The following PCDHGB4 variants were observed in gnomAD, a reference collection of about 807,000 sequenced individuals.
PCDHGB4 encodes protocadherin gamma-B4.
In PCDHGB4, 38 loss-of-function variants were observed where a neutral mutation model predicts 60.5. The observed-to-expected ratio is 0.63, with a 90% CI of 0.48 to 0.82. The LOEUF (loss-of-function observed/expected upper bound fraction) is 0.82. Ranked by LOEUF, PCDHGB4 falls within the 40% of genes least tolerant of loss-of-function variation. The pLI, the probability that PCDHGB4 is intolerant of heterozygous loss-of-function variation, is 0.00. For synonymous variants in PCDHGB4, 456 were observed against 509.7 expected (o/e 0.89, Z 1.42); for missense variants, 1,109 against 1,209.6 (o/e 0.92, Z 1.23).
intron 1 of PCDHGB4, chr5:141,420,034 C>T (rs373590502): frequency 7.8e-5 from 126 of 1,613,970 alleles, no homozygotes; most frequent in Non-Finnish European, 9.3e-5. Context: ...CTGCAGGAGA[C>T]TGCTTTGAGT....
chr5:141,485,888 G>T lies in PCDHGB4; in HGVS notation c.2398-8919G>T, dbSNP rs1166795987. 3 of 1,614,028 alleles carry T rather than the reference G, an allele frequency of 1.9e-6. No homozygotes were observed. The highest frequency in any genetic ancestry group is 2.5e-6 in the Non-Finnish European group (3 of 1,180,032). ...ATCCGTGCTGGACGTAAACGACAAC[G>T]CCCCAGCCTTCCAGCAATCCAGCTA... On this transcript the variant is annotated intron_variant, in intron 1 of 3. Coordinates refer to ENST00000519479, the MANE Select transcript of PCDHGB4 (RefSeq NM_003736.4). The surrounding 1 kb of genome is among the most constrained non-coding windows in gnomAD (Gnocchi z 5.7).
intron 1 of PCDHGB4, among the ~76,000 whole-genome samples, chr5:141,473,466 G>A (rs1217251844): frequency 1.3e-5 from 2 of 151,738 alleles, no homozygotes; most frequent in East Asian, 1.9e-4. Flanking sequence ...TTAAAGTTGT[G>A]CCAAGTTCAA....
At chr5:141,421,662 G>A (rs2096591243) in intron 1 of PCDHGB4, 3 of 1,613,844 alleles carry the variant, frequency 1.9e-6, no homozygotes, top group South Asian at 1.1e-5. Context: ...AAGTCAGTGA[G>A]CACGCAATTC....
intron 1 of PCDHGB4, among the ~76,000 whole-genome samples, chr5:141,481,293 TC>T (rs2099535148): frequency 6.6e-6 from 1 of 152,174 alleles, no homozygotes; most frequent in South Asian, 2.1e-4. Context: ...ATTTCAGTCA[TC>T]TAAGGGAAAA....
chr5:141,463,373 GTCTGAAAGTT>G (rs1463437299), intron 1 of PCDHGB4, among the ~76,000 whole-genome samples: 1 of 147,058 alleles, frequency 6.8e-6, no homozygotes, highest in Non-Finnish European at 1.5e-5. Context: ...CTGCCCCACA[GTCTGAAAGTT>G]GTCTCCAGGC....
intron 1 of PCDHGB4, among the ~76,000 whole-genome samples, chr5:141,469,490 G>A (rs1346871954): frequency 3.3e-5 from 5 of 152,146 alleles, no homozygotes; most frequent in East Asian, 3.9e-4. Context: ...CAGGAGAATC[G>A]CTTGAACCCG....
At chr5:141,503,745 G>A (rs1377110427) in intron 2 of PCDHGB4, among the ~76,000 whole-genome samples, 3 of 152,220 alleles carry the variant, frequency 2.0e-5, no homozygotes, top group South Asian at 2.1e-4. Flanking sequence ...ATGGTATAGA[G>A]GTCACACATG....
Position 141,477,283 on chromosome 5 carries a change from C to T in PCDHGB4, c.2398-17524C>T, listed in dbSNP as rs766672047. The T allele has an allele frequency of 9.3e-6, 15 of 1,614,076 alleles. No homozygotes were observed. The highest frequency in any genetic ancestry group is 2.7e-5 in the African/African-American group (2 of 74,924). On this transcript the variant is annotated intron_variant, in intron 1 of 3. Coordinates refer to ENST00000519479, the MANE Select transcript of PCDHGB4 (RefSeq NM_003736.4). The surrounding 1 kb of genome is among the most constrained non-coding windows in gnomAD (Gnocchi z 4.9). ...CTGGCGAGAACGGGCTGGTGACCTG[C>T]GAAGTTCCACCGGGTCTCCCTTTCA... is the stretch of plus-strand genomic sequence containing the variant.
chr5:141,409,462 C>G (rs377705841), intron 1 of PCDHGB4: 1 of 1,613,988 alleles, frequency 6.2e-7, no homozygotes, highest in African/African-American at 1.3e-5. Flanking sequence ...AATACAATGT[C>G]ACCATCGTAG....
intron 1 of PCDHGB4, among the ~76,000 whole-genome samples, chr5:141,461,768 C>T (rs532591390): frequency 1.3e-5 from 2 of 152,016 alleles, no homozygotes; most frequent in African/African-American, 4.8e-5. Context: ...ATTCTCCTGC[C>T]TCAGCCTCCC....
At chr5:141,468,077 C>T (rs180732917) in intron 1 of PCDHGB4, among the ~76,000 whole-genome samples, 1 of 152,152 alleles carries the variant, frequency 6.6e-6, no homozygotes, top group East Asian at 1.9e-4. Flanking sequence ...GTAATCCCAG[C>T]ACTTTGGGAG....
chr5:141,414,498 C>CT (rs748856262), intron 1 of PCDHGB4: 40 of 1,613,848 alleles, frequency 2.5e-5, no homozygotes, highest in Non-Finnish European at 3.3e-5. Context: ...CGGAAGCTCA[C>CT]TTTATGCTAC....
At chr5:141,394,507 C>T in intron 1 of PCDHGB4, 1 of 1,614,214 alleles carries the variant, frequency 6.2e-7, no homozygotes, top group South Asian at 1.1e-5. Flanking sequence ...ATCCTGTACC[C>T]CGCCCTCCCC....
At chr5:141,415,614 G>A (rs1476229913) in intron 1 of PCDHGB4, 1 of 1,612,128 alleles carries the variant, frequency 6.2e-7, no homozygotes, top group Admixed American at 1.7e-5. Flanking sequence ...TGGTTCCAGT[G>A]AGTTTTATTT....
chr5:141,419,276 C>G (rs1361651445), intron 1 of PCDHGB4: 1 of 1,613,920 alleles, frequency 6.2e-7, no homozygotes, highest in African/African-American at 1.3e-5. Flanking sequence ...CTCCATAGCG[C>G]AAGTCAGTGC....
At position 141,491,187 on chromosome 5, in the gene PCDHGB4, G is replaced by A. The variant is rs2099709293; in HGVS notation, c.2398-3620G>A. ...CCCAGCAGGTGGTGGTCCTGGTGAG[G>A]GACAATGGTGACCCTTCACTCTCCT... On this transcript the variant is annotated intron_variant, in intron 1 of 3. Coordinates refer to ENST00000519479, the MANE Select transcript of PCDHGB4 (RefSeq NM_003736.4). The surrounding 1 kb of genome is among the most constrained non-coding windows in gnomAD (Gnocchi z 6.9). The A allele has an allele frequency of 6.2e-7, 1 of 1,614,064 alleles. No homozygotes were observed. The highest frequency in any genetic ancestry group is 1.1e-5 in the South Asian group (1 of 91,080).
intron 2 of PCDHGB4, among the ~76,000 whole-genome samples, chr5:141,497,880 T>C (rs2099780200): frequency 6.6e-6 from 1 of 152,170 alleles, no homozygotes; most frequent in Non-Finnish European, 1.5e-5. Context: ...GAAATAAGCG[T>C]TAGGATCTAG....
intron 1 of PCDHGB4, chr5:141,416,540 G>T (rs1439132249): frequency 6.6e-6 from 1 of 151,974 alleles, no homozygotes; most frequent in Non-Finnish European, 1.5e-5. Flanking sequence ...GTATAAGGAG[G>T]CAAACACCTG....
chr5:141,445,311 G>A (rs2098463310), intron 1 of PCDHGB4, among the ~76,000 whole-genome samples: 1 of 152,150 alleles, frequency 6.6e-6, no homozygotes, highest in East Asian at 1.9e-4. Flanking sequence ...CAGTTTGTAG[G>A]TTGAGAGAAC....
Sources: gnomAD v4.1 joint callset for allele counts (sites outside exome capture counted in the v4.1 genomes callset) on GRCh38, gnomAD v4.1.1 for gene constraint, Gnocchi (gnomAD v3.1) non-coding constraint, MANE v1.5 for transcripts, NCBI Gene and HGNC (gene_info 2026-07-23, HGNC 2026-07-21) for gene names.